TMEM132D: variants seen among roughly 807,000 people sequenced by gnomAD.
TMEM132D encodes mature OL transmembrane protein.
TMEM132D carries 21 observed loss-of-function variants against 62.3 expected under a neutral mutation model. That is an observed-to-expected ratio of 0.34 (90% CI 0.24 to 0.49). The LOEUF (loss-of-function observed/expected upper bound fraction) is 0.49. TMEM132D is among the 20% of genes least tolerant of loss of function. The pLI is 0.99. For missense variants in TMEM132D, 1,346 were observed against 1,402.8 expected, an observed-to-expected ratio of 0.96 and a Z score of 0.65; for synonymous variants, 621 against 575.6, an observed-to-expected ratio of 1.08 and a Z score of -1.13.
chr12:129,717,979 C>G (rs1868654106), intron 1 of TMEM132D, among the ~76,000 whole-genome samples: 1 of 152,190 alleles, frequency 6.6e-6, no homozygotes, highest in African/African-American at 2.4e-5. Context: ...ACAATTATTT[C>G]TAATCAACAC....
intron 3 of TMEM132D, among the ~76,000 whole-genome samples, chr12:129,396,140 TA>T (rs953657259): frequency 5.4e-5 from 8 of 148,660 alleles, no homozygotes; most frequent in Non-Finnish European, 7.4e-5. Context: ...CCAAATTCAA[TA>T]AAAAATAGTG....
chr12:129,850,754 G>A (rs1873513316), intron 1 of TMEM132D, among the ~76,000 whole-genome samples: 1 of 152,242 alleles, frequency 6.6e-6, no homozygotes, highest in Admixed American at 6.5e-5. Context: ...AGGACAAGCT[G>A]AGGCTACATG....
chr12:129,414,654 G>A (rs1255349486), intron 3 of TMEM132D, among the ~76,000 whole-genome samples: 6 of 152,032 alleles, frequency 3.9e-5, no homozygotes, highest in Non-Finnish European at 7.4e-5. Context: ...CTTTTGGTCT[G>A]GTAAGAACAC....
intron 4 of TMEM132D, among the ~76,000 whole-genome samples, chr12:129,293,854 G>C (rs1881507622): frequency 6.6e-6 from 1 of 152,144 alleles, no homozygotes; most frequent in Non-Finnish European, 1.5e-5. Context: ...GCCTTCTGCT[G>C]TGTGGCCCGG....
intron 4 of TMEM132D, among the ~76,000 whole-genome samples, chr12:129,313,258 T>A (rs936122802): frequency 1.3e-5 from 2 of 152,186 alleles, no homozygotes; most frequent in Non-Finnish European, 2.9e-5. Context: ...GAGATTTTGG[T>A]GCACCCATCA....
At chr12:129,384,105 C>T (rs1451042359) in intron 3 of TMEM132D, among the ~76,000 whole-genome samples, 1 of 152,268 alleles carries the variant, frequency 6.6e-6, no homozygotes, top group Non-Finnish European at 1.5e-5. Flanking sequence ...TGGAACAACA[C>T]ATGCTCATCA....
intron 4 of TMEM132D, among the ~76,000 whole-genome samples, chr12:129,316,451 G>T (rs558426614): frequency 6.6e-6 from 1 of 152,066 alleles, no homozygotes; most frequent in Non-Finnish European, 1.5e-5. Context: ...TATTTGCCTG[G>T]TTTAGTAGGT....
At chr12:129,811,005 T>G (rs1482359960) in intron 1 of TMEM132D, among the ~76,000 whole-genome samples, 1 of 151,814 alleles carries the variant, frequency 6.6e-6, no homozygotes, top group Non-Finnish European at 1.5e-5. Flanking sequence ...ACAACTAAAA[T>G]AAAAGCAAGA....
At chr12:129,645,538 G>A (rs1348326666) in intron 2 of TMEM132D, among the ~76,000 whole-genome samples, 3 of 152,070 alleles carry the variant, frequency 2.0e-5, no homozygotes, top group South Asian at 4.2e-4. Context: ...AATTTCTATG[G>A]CCCTCACAAA....
At chr12:129,846,816 T>G (rs1224736651) in intron 1 of TMEM132D, among the ~76,000 whole-genome samples, 1 of 152,248 alleles carries the variant, frequency 6.6e-6, no homozygotes, top group Non-Finnish European at 1.5e-5. Flanking sequence ...TTGTATATAT[T>G]TTAATTTCCT....
chr12:129,076,236 C>G (rs1166419967), intron 8 of TMEM132D, among the ~76,000 whole-genome samples: 1 of 152,160 alleles, frequency 6.6e-6, no homozygotes, highest in East Asian at 1.9e-4. Context: ...TGGCATTTAT[C>G]CATAGGAAGA....
intron 4 of TMEM132D, among the ~76,000 whole-genome samples, chr12:129,293,374 T>A: frequency 6.6e-6 from 1 of 152,150 alleles, no homozygotes; most frequent in East Asian, 1.9e-4. Context: ...CATCCCCACA[T>A]GCTTTGGAAG....
intron 4 of TMEM132D, among the ~76,000 whole-genome samples, chr12:129,278,400 TGAAAAA>T (rs1268276776): frequency 6.6e-6 from 1 of 152,044 alleles, no homozygotes; most frequent in African/African-American, 2.4e-5. Flanking sequence ...GGAAGGTCAG[TGAAAAA>T]TCTGGAGAAG....
chr12:129,199,264 G>A (rs1399558621), intron 5 of TMEM132D, among the ~76,000 whole-genome samples: 5 of 152,118 alleles, frequency 3.3e-5, no homozygotes, highest in African/African-American at 7.2e-5. Context: ...CATGCACCCA[G>A]CTAATTTTTG....
intron 5 of TMEM132D, among the ~76,000 whole-genome samples, chr12:129,103,465 G>A (rs1032430410): frequency 6.6e-6 from 1 of 151,832 alleles, no homozygotes; most frequent in African/African-American, 2.4e-5. Flanking sequence ...GCTCTCCTTG[G>A]AGGGAGCCCC....
chr12:129,217,737 T>C (rs1019667079), intron 4 of TMEM132D, among the ~76,000 whole-genome samples: 1 of 150,698 alleles, frequency 6.6e-6, no homozygotes, highest in Non-Finnish European at 1.5e-5. Flanking sequence ...TTTACAGAGG[T>C]TAGCTGTTAA....
intron 5 of TMEM132D, among the ~76,000 whole-genome samples, chr12:129,201,142 T>C (rs1350152625): frequency 2.6e-5 from 4 of 152,240 alleles, no homozygotes. Context: ...AGTGGACATT[T>C]CTGAAATATT....
At chr12:129,248,729 G>T (rs948667310) in intron 4 of TMEM132D, among the ~76,000 whole-genome samples, 5 of 152,048 alleles carry the variant, frequency 3.3e-5, no homozygotes, top group Non-Finnish European at 7.4e-5. Flanking sequence ...CCCTCTGTTA[G>T]ACCCTATCGT....
At chr12:129,382,909 T>C (rs1416487174) in intron 3 of TMEM132D, among the ~76,000 whole-genome samples, 2 of 152,168 alleles carry the variant, frequency 1.3e-5, no homozygotes, top group African/African-American at 4.8e-5. Flanking sequence ...ATTCAATCTG[T>C]ACCTTCCTGT....
Sources: gnomAD v4.1 joint callset for allele counts (sites outside exome capture counted in the v4.1 genomes callset) on GRCh38, gnomAD v4.1.1 for gene constraint, MANE v1.5 for transcripts, NCBI Gene and HGNC (gene_info 2026-07-23, HGNC 2026-07-21) for gene names.